Variants in ZFP64 observed in about 807,000 individuals in gnomAD.
ZFP64 encodes ZFP64 zinc finger protein, also known as zinc finger protein 64.
In ZFP64, 14 loss-of-function variants were observed where a neutral mutation model predicts 51.6. That is an observed-to-expected ratio of 0.27 (90% confidence interval 0.18 to 0.42). The LOEUF is 0.42. Among genes scored for constraint, ZFP64 ranks in the 10% least tolerant of loss-of-function variants. ZFP64 has a pLI of 1.00. For synonymous variants in ZFP64, 375 were observed against 361.4 expected (o/e 1.04, Z -0.43); for missense variants, 754 against 906.8 (o/e 0.83, Z 2.16).
At chr20:52,096,577 T>C (rs930590182) in intron 7 of ZFP64, among the ~76,000 whole-genome samples, 2 of 152,172 alleles carry the variant, frequency 1.3e-5, no homozygotes, top group Non-Finnish European at 2.9e-5. Context: ...GGCAAAGTGT[T>C]TTGTAAAGGG....
chr20:52,097,453 A>ATTTT (rs11309611), intron 6 of ZFP64: 5 of 1,442,640 alleles, frequency 3.5e-6, no homozygotes, highest in Non-Finnish European at 3.7e-6. Context: ...AGAAAAATAG[A>ATTTT]TTTTTTTTTT....
At chr20:52,117,754 G>A (rs1978955366) in intron 5 of ZFP64, 1 of 444,934 alleles carries the variant, frequency 2.2e-6, no homozygotes, top group African/African-American at 2.0e-5. Context: ...GCCTAGAAAT[G>A]CCAAGCTATA....
intron 5 of ZFP64, among the ~76,000 whole-genome samples, chr20:52,132,037 T>G (rs1445033338): frequency 6.6e-6 from 1 of 152,012 alleles, no homozygotes; most frequent in Admixed American, 6.6e-5. Context: ...CTGACCACAA[T>G]GGGACAAAAC....
At chr20:52,185,977 A>G (rs1028076567) in intron 2 of ZFP64, among the ~76,000 whole-genome samples, 24 of 152,190 alleles carry the variant, frequency 1.6e-4, no homozygotes, top group African/African-American at 5.3e-4. Context: ...ATTTTTCCCC[A>G]AGTTGATTGT....
intron 2 of ZFP64, among the ~76,000 whole-genome samples, chr20:52,185,897 T>TAAG (rs1983929949): frequency 6.6e-6 from 1 of 152,194 alleles, no homozygotes; most frequent in South Asian, 2.1e-4. Context: ...TTGCACTTTT[T>TAAG]ATCTCCTTTT....
chr20:52,127,211 A>C (rs988325043), intron 5 of ZFP64, among the ~76,000 whole-genome samples: 1 of 152,078 alleles, frequency 6.6e-6, no homozygotes, highest in African/African-American at 2.4e-5. Flanking sequence ...CGGCCTCCCA[A>C]AGTGCTGGGA....
At chr20:52,162,844 C>T (rs1002510704) in intron 4 of ZFP64, among the ~76,000 whole-genome samples, 5 of 152,124 alleles carry the variant, frequency 3.3e-5, no homozygotes, top group African/African-American at 1.2e-4. Flanking sequence ...CTGTGGTTCC[C>T]CCAAACCCCA....
intron 5 of ZFP64, chr20:52,111,105 C>G (rs778309244): frequency 4.4e-6 from 4 of 904,102 alleles, no homozygotes; most frequent in Admixed American, 3.9e-5. Context: ...GGGAGAGAGA[C>G]GCGGAGCGGG....
At chr20:52,175,963 G>A (rs1983174218) in intron 2 of ZFP64, 8 of 985,358 alleles carry the variant, frequency 8.1e-6, no homozygotes, top group East Asian at 1.1e-4. Flanking sequence ...CACAGTGGGC[G>A]TTAGACCGGC....
intron 5 of ZFP64, among the ~76,000 whole-genome samples, chr20:52,108,730 G>A (rs572416138): frequency 2.0e-5 from 3 of 151,812 alleles, no homozygotes; most frequent in Admixed American, 6.6e-5. Context: ...GGCTGGTCTC[G>A]AACCCTGGCC....
chr20:52,124,509 G>A (rs936766046), intron 5 of ZFP64, among the ~76,000 whole-genome samples: 6 of 152,146 alleles, frequency 3.9e-5, no homozygotes, highest in Non-Finnish European at 7.4e-5. Flanking sequence ...ACATGTGAAT[G>A]ATAAAATTTT....
intron 4 of ZFP64, among the ~76,000 whole-genome samples, chr20:52,162,461 C>G (rs909438001): frequency 5.3e-5 from 8 of 151,488 alleles, no homozygotes; most frequent in Non-Finnish European, 1.2e-4. Context: ...CCTGTCTCTA[C>G]CAAAAATACA....
At chr20:52,161,245 T>A (rs1041486889) in intron 4 of ZFP64, among the ~76,000 whole-genome samples, 6 of 152,224 alleles carry the variant, frequency 3.9e-5, no homozygotes, top group Non-Finnish European at 8.8e-5. Flanking sequence ...ACTAATGCTA[T>A]GTCAACTTGA....
intron 2 of ZFP64, among the ~76,000 whole-genome samples, chr20:52,182,032 C>T (rs1009629022): frequency 3.3e-4 from 50 of 152,216 alleles, no homozygotes; most frequent in African/African-American, 1.1e-3. Flanking sequence ...GTTTATTAGA[C>T]TCTACATTAA....
intron 5 of ZFP64, among the ~76,000 whole-genome samples, chr20:52,109,712 C>T (rs1004386917): frequency 9.4e-5 from 13 of 138,238 alleles, no homozygotes; most frequent in African/African-American, 3.3e-4. Flanking sequence ...ACCCAGGAGG[C>T]GGAGGTTGCA....
In ZFP64 at chr20:52,160,171, C is replaced by A. The variant is rs117888444; in HGVS notation, c.715G>T (p.Ala239Ser). Residue 239 changes from alanine to serine, a missense_variant, in exon 5 of 6, where the codon GCC (alanine) becomes TCC (serine). By Grantham distance (99) the Ala-to-Ser change is moderately conservative. Around this residue, in one of 3 missense-constraint regions of ZFP64, gnomAD observed 231 missense variants for 336.7 expected, o/e 0.69. Transcript: ENST00000216923. This position sits in a 1 kb window ranked among gnomAD's most constrained non-coding sequence, Gnocchi z 4.2. ...GTGAGCTGGCTGGAGTTGCGGCTGG[C>A]GTAGGGGCAGATCTGGCATTTGAAG... ...RPFKCQICPY[A>S]SRNSSQLTVH... The A allele has an allele frequency of 1.2e-6, 2 of 1,613,502 alleles. No individual in the cohort carries two copies. Among genetic ancestry groups the A allele is most frequent in the Non-Finnish European group, 1.7e-6 (2 of 1,179,904 alleles).
downstream of ZFP64, among the ~76,000 whole-genome samples, chr20:52,149,292 G>A (rs1359066035): frequency 1.5e-3 from 208 of 137,942 alleles, no homozygotes; most frequent in African/African-American, 4.6e-3. Context: ...AAAAAAAAAA[G>A]CTGAATATGA....
At chr20:52,094,867 A>G (rs1346824622) in intron 7 of ZFP64, among the ~76,000 whole-genome samples, 1 of 152,194 alleles carries the variant, frequency 6.6e-6, no homozygotes, top group Non-Finnish European at 1.5e-5. Flanking sequence ...CTTGAAAGTG[A>G]TAAGTGATCT....
chr20:52,175,942 C>T (rs1318967210), intron 2 of ZFP64: 21 of 984,466 alleles, frequency 2.1e-5, no homozygotes, highest in Non-Finnish European at 2.5e-5. Flanking sequence ...TCCCAAACGG[C>T]CTTTACCGTC....
Sources: gnomAD v4.1 joint callset for allele counts (sites outside exome capture counted in the v4.1 genomes callset) on GRCh38, gnomAD v4.1.1 for gene constraint, gnomAD v4.1.1 regional missense constraint, Gnocchi (gnomAD v3.1) non-coding constraint, MANE v1.5 for transcripts, NCBI Gene and HGNC (gene_info 2026-07-23, HGNC 2026-07-21) for gene names.